AGAP1: variants seen among roughly 807,000 people sequenced by gnomAD.
AGAP1 encodes ArfGAP with GTPase domain, ankyrin repeat and PH domain 1.
In AGAP1, 29 loss-of-function variants were observed where a neutral mutation model predicts 105.3. The ratio of observed to expected loss-of-function variants is 0.28; its 90% CI spans 0.21 to 0.38. The LOEUF is 0.38. AGAP1 is among the 10% of genes least tolerant of loss of function. AGAP1 has a pLI of 1.00. For synonymous variants in AGAP1, 509 were observed against 485.9 expected, an observed-to-expected ratio of 1.05 and a Z score of -0.63; for missense variants, 998 against 1,165.1, an observed-to-expected ratio of 0.86 and a Z score of 2.09.
chr2:235,694,903 T>A (rs1949927209), intron 1 of AGAP1, among the ~76,000 whole-genome samples: 1 of 152,150 alleles, frequency 6.6e-6, no homozygotes, highest in Admixed American at 6.5e-5. Flanking sequence ...GGGTTCCGGC[T>A]TCTTCGCAGT....
intron 1 of AGAP1, among the ~76,000 whole-genome samples, chr2:235,653,183 C>T (rs918571033): frequency 2.6e-5 from 4 of 151,946 alleles, no homozygotes; most frequent in South Asian, 4.2e-4. Context: ...GGGCACATTC[C>T]GGCCGGGCGC....
chr2:235,797,720 T>G (rs751319664), intron 6 of AGAP1, 39 bp from the exon 7 acceptor site: 3 of 1,613,332 alleles, frequency 1.9e-6, no homozygotes, highest in East Asian at 2.2e-5. Context: ...ATTTGGAAAT[T>G]GATTGACATG....
chr2:235,681,112 C>T (rs1949045347), intron 1 of AGAP1, among the ~76,000 whole-genome samples: 2 of 152,094 alleles, frequency 1.3e-5, no homozygotes, highest in African/African-American at 4.8e-5. Context: ...AGGTTCACAC[C>T]GTTCTCCTGC....
intron 9 of AGAP1, among the ~76,000 whole-genome samples, chr2:235,850,573 G>A (rs1238338511): frequency 6.6e-6 from 1 of 152,262 alleles, no homozygotes; most frequent in Non-Finnish European, 1.5e-5. Context: ...GGAAATGAGG[G>A]TGCGGTGTTG....
intron 13 of AGAP1, among the ~76,000 whole-genome samples, chr2:236,034,230 C>T (rs943978391): frequency 2.6e-5 from 4 of 152,016 alleles, no homozygotes; most frequent in Non-Finnish European, 5.9e-5. Flanking sequence ...TGCAATGGCT[C>T]AGCCAGTACT....
chr2:235,920,441 C>A (rs542895666), intron 11 of AGAP1, among the ~76,000 whole-genome samples: 1 of 152,246 alleles, frequency 6.6e-6, no homozygotes, highest in Non-Finnish European at 1.5e-5. Context: ...GCCCCAAGCG[C>A]AGGGTTGTTG....
chr2:235,829,305 A>G (rs181687474), intron 9 of AGAP1, among the ~76,000 whole-genome samples: 3 of 152,334 alleles, frequency 2.0e-5, no homozygotes, highest in Admixed American at 2.0e-4. Context: ...TTTCGTCATC[A>G]AGGATTCATT....
chr2:235,823,716 G>A (rs1489887865), intron 9 of AGAP1, among the ~76,000 whole-genome samples: 1 of 152,120 alleles, frequency 6.6e-6, no homozygotes, highest in Non-Finnish European at 1.5e-5. Flanking sequence ...ATTGCGACTG[G>A]TCAGCTTTTT....
rs545859374 is a variant in AGAP1, at chr2:235,844,125, T to C, written c.1050+36794T>C. Among the ~76,000 whole-genome samples, 3 of 152,348 alleles carry C rather than the reference T, an allele frequency of 2.0e-5. No individual in the cohort carries two copies. The South Asian group carries it at 6.2e-4, about 32-fold the overall frequency. On this transcript the variant is annotated intron_variant, in intron 9 of 17. Coordinates refer to ENST00000304032, the MANE Select transcript of AGAP1 (RefSeq NM_001037131.3). ...TGAAAGCCTTCTGGGCCATCCATTGTCTGCCTGTGAGAGTCCTCGGCTTGC... is the reference window on the plus strand; with the variant it reads ...TGAAAGCCTTCTGGGCCATCCATTGCCTGCCTGTGAGAGTCCTCGGCTTGC...
chr2:235,975,838 C>T (rs935951073), intron 13 of AGAP1, among the ~76,000 whole-genome samples: 5 of 152,166 alleles, frequency 3.3e-5, no homozygotes, highest in African/African-American at 4.8e-5. Flanking sequence ...GGAAAGGGAA[C>T]GAGAAGTCTC....
chr2:235,880,083 C>CTTTTTTTTTTTTTTTTTTTTTTTTTTT (rs35633339), intron 9 of AGAP1, among the ~76,000 whole-genome samples: 1 of 138,890 alleles, frequency 7.2e-6, no homozygotes, highest in Non-Finnish European at 1.6e-5. Context: ...GCACTCTGGC[C>CTTTTTTTTTTTTTTTTTTTTTTTTTTT]TTTTTTTTTT....
chr2:235,805,122 A>G (rs1055089384), intron 8 of AGAP1, among the ~76,000 whole-genome samples: 2 of 152,252 alleles, frequency 1.3e-5, no homozygotes, highest in African/African-American at 2.4e-5. Flanking sequence ...TCTTTTGCCT[A>G]ACATCTTGCC....
chr2:235,903,303 G>A (rs2051151734), intron 10 of AGAP1, among the ~76,000 whole-genome samples: 1 of 152,104 alleles, frequency 6.6e-6, no homozygotes, highest in Non-Finnish European at 1.5e-5. Context: ...ACGTAAAAAT[G>A]GAGTATGCTG....
chr2:235,907,742 C>G (rs1488167591), intron 10 of AGAP1, among the ~76,000 whole-genome samples: 1 of 152,134 alleles, frequency 6.6e-6, no homozygotes, highest in Non-Finnish European at 1.5e-5. Context: ...TATATATAAC[C>G]TGCACACATT....
chr2:235,732,910 G>T lies in AGAP1; in HGVS notation c.311-8053G>T, dbSNP rs1279815427. On this transcript the variant is annotated intron_variant, in intron 3 of 17. Transcript: ENST00000304032. The surrounding 1 kb of genome is among the most constrained non-coding windows in gnomAD (Gnocchi z 4.8). The stretch of plus-strand genomic sequence containing the variant: ...TGCCAGACCTCAGCCACCTCCCCCA[G>T]CCAGCCCCAGGGGTGTTGGGGGCAT... Among the ~76,000 whole-genome samples the T allele has an allele frequency of 6.6e-6, 1 of 152,186 alleles. No individual in the cohort carries two copies. Among genetic ancestry groups the T allele is most frequent in the Non-Finnish European group, 1.5e-5 (1 of 68,030 alleles).
Position 236,056,920 on chromosome 2 carries a change from G to A in AGAP1, c.2114+7639G>A, listed in dbSNP as rs758348091. On this transcript the variant is annotated intron_variant, in intron 16 of 17. Coordinates refer to ENST00000304032, the MANE Select transcript of AGAP1 (RefSeq NM_001037131.3). This position sits in a 1 kb window ranked among gnomAD's most constrained non-coding sequence, Gnocchi z 4.6. ...CGTCAGTAGCGGCATTGGGAGAACCGCCATGTTTAGCAGCACCACTCCCAC... is the reference window on the plus strand; with the variant it reads ...CGTCAGTAGCGGCATTGGGAGAACCACCATGTTTAGCAGCACCACTCCCAC... Among the ~76,000 whole-genome samples, 1 of 152,164 alleles carries A rather than the reference G, an allele frequency of 6.6e-6. No individual in the cohort carries two copies. The highest frequency in any genetic ancestry group is 1.5e-5 in the Non-Finnish European group (1 of 68,024).
intron 8 of AGAP1, among the ~76,000 whole-genome samples, chr2:235,803,051 G>GGTT (rs760565560): frequency 5.6e-4 from 2 of 3,586 alleles, no homozygotes; most frequent in East Asian, 0.011. Context: ...TGATGGTTGT[G>GGTT]GTGATGGTGG....
At chr2:235,630,927 C>T (rs1047962041) in intron 1 of AGAP1, among the ~76,000 whole-genome samples, 2 of 152,164 alleles carry the variant, frequency 1.3e-5, no homozygotes, top group African/African-American at 4.8e-5. Flanking sequence ...GACAGCCAGC[C>T]GCAGCCCGAT....
intron 6 of AGAP1, among the ~76,000 whole-genome samples, chr2:235,778,365 C>T (rs950765936): frequency 1.3e-5 from 2 of 152,214 alleles, no homozygotes; most frequent in Admixed American, 6.5e-5. Flanking sequence ...TTTTATTTCA[C>T]GTCTAATCAG....
Sources: gnomAD v4.1 joint callset for allele counts (sites outside exome capture counted in the v4.1 genomes callset) on GRCh38, gnomAD v4.1.1 for gene constraint, Gnocchi (gnomAD v3.1) non-coding constraint, MANE v1.5 for transcripts, NCBI Gene and HGNC (gene_info 2026-07-23, HGNC 2026-07-21) for gene names.